Variants in EYS observed in about 807,000 individuals in gnomAD.
The protein encoded by EYS is EGF-like photoreceptor maintenance factor.
A neutral mutation model predicts 282.1 loss-of-function variants in EYS; 250 were observed. That is an observed-to-expected ratio of 0.89 (90% CI 0.80 to 0.98). The LOEUF (loss-of-function observed/expected upper bound fraction) is 0.98. Ranked by LOEUF, EYS falls within the 50% of genes least tolerant of loss-of-function variation. The pLI, the probability that EYS is intolerant of heterozygous loss-of-function variation, is 0.00. For synonymous variants in EYS, 1,355 were observed against 1,282.9 expected (o/e 1.06, Z -1.20); for missense variants, 4,016 against 3,709.0 (o/e 1.08, Z -2.15).
chr6:65,090,544 T>A (rs943715047), intron 12 of EYS, among the ~76,000 whole-genome samples: 3 of 152,152 alleles, frequency 2.0e-5, no homozygotes, highest in African/African-American at 7.2e-5. Flanking sequence ...CTTTATATTC[T>A]CTACATTGCA....
intron 19 of EYS, among the ~76,000 whole-genome samples, chr6:64,849,864 T>TA (rs1554210375): frequency 1.4e-3 from 206 of 148,888 alleles, no homozygotes; most frequent in Middle Eastern, 3.4e-3. Context: ...AATTTTCTAC[T>TA]AAAAAAAGAA....
At chr6:65,400,694 T>C (rs1455139179) in intron 7 of EYS, among the ~76,000 whole-genome samples, 3 of 151,972 alleles carry the variant, frequency 2.0e-5, no homozygotes, top group South Asian at 4.1e-4. Context: ...GGTAATTTTG[T>C]TTCAGTTTCT....
At chr6:64,207,146 G>A (rs1056526222) in intron 31 of EYS, among the ~76,000 whole-genome samples, 1 of 151,994 alleles carries the variant, frequency 6.6e-6, no homozygotes, top group Non-Finnish European at 1.5e-5. Flanking sequence ...GGACGATGGG[G>A]CCTTTAAGAG....
intron 18 of EYS, among the ~76,000 whole-genome samples, chr6:64,895,745 A>C (rs900972068): frequency 6.6e-6 from 1 of 152,208 alleles, no homozygotes; most frequent in Non-Finnish European, 1.5e-5. Flanking sequence ...ATATAAAAAA[A>C]TAAGAATCTG....
chr6:64,780,502 A>T (rs1212154967), intron 22 of EYS, among the ~76,000 whole-genome samples: 2 of 152,082 alleles, frequency 1.3e-5, no homozygotes, highest in African/African-American at 4.8e-5. Flanking sequence ...AATAACAGAC[A>T]CTGGGGACTC....
At chr6:64,168,417 A>G (rs1299672859) in intron 31 of EYS, among the ~76,000 whole-genome samples, 6 of 152,228 alleles carry the variant, frequency 3.9e-5, no homozygotes, top group African/African-American at 1.4e-4. Context: ...ACGTAAGTTT[A>G]CAATACAAAC....
intron 31 of EYS, among the ~76,000 whole-genome samples, chr6:64,212,345 T>G (rs909515101): frequency 6.6e-6 from 1 of 151,224 alleles, no homozygotes; most frequent in Admixed American, 6.6e-5. Flanking sequence ...TACAAATAAA[T>G]TAATACAAAG....
chr6:64,147,894 G>A (rs1043710140), intron 31 of EYS, among the ~76,000 whole-genome samples: 1 of 152,164 alleles, frequency 6.6e-6, no homozygotes, highest in Non-Finnish European at 1.5e-5. Flanking sequence ...GACTTTGCAT[G>A]TATGAAAAAT....
intron 22 of EYS, among the ~76,000 whole-genome samples, chr6:64,718,380 C>T (rs1232260762): frequency 6.6e-6 from 1 of 152,212 alleles, no homozygotes; most frequent in African/African-American, 2.4e-5. Flanking sequence ...TACTTGCAGG[C>T]TGAAACCTTC....
intron 32 of EYS, among the ~76,000 whole-genome samples, chr6:64,077,911 T>A (rs1232952716): frequency 6.6e-6 from 1 of 152,064 alleles, no homozygotes; most frequent in Non-Finnish European, 1.5e-5. Context: ...AGCTTTCTTT[T>A]CATCTTGACT....
rs576582003 is a variant in EYS at position 64,569,569 on chromosome 6, G to A, written c.5644+20654C>T. Reference sequence around the variant, plus strand: ...ATCCTGGCTAACACGGTGAAACCCCGTCTCCACTAAAAATACAAGAAATTA... The same window carrying A: ...ATCCTGGCTAACACGGTGAAACCCCATCTCCACTAAAAATACAAGAAATTA... On this transcript the variant is annotated intron_variant, in intron 26 of 42. Coordinates refer to ENST00000503581, the MANE Select transcript of EYS (RefSeq NM_001142800.2). 3.3e-5 allele frequency among the ~76,000 whole-genome samples: 5 copies of A among 152,006 alleles called. No homozygotes were observed. The East Asian group carries it at 5.9e-4, about 18-fold the overall frequency.
chr6:65,180,421 CAG>C (rs899277215), intron 12 of EYS, among the ~76,000 whole-genome samples: 3 of 151,918 alleles, frequency 2.0e-5, no homozygotes, highest in Non-Finnish European at 2.9e-5. Context: ...AACAGACAAA[CAG>C]AGAGCCAAAT....
chr6:64,459,705 G>A (rs1562007502), intron 26 of EYS, among the ~76,000 whole-genome samples: 1 of 152,190 alleles, frequency 6.6e-6, no homozygotes, highest in Non-Finnish European at 1.5e-5. Flanking sequence ...AATGCTGGAA[G>A]ACTGAGCAGT....
At chr6:64,162,366 A>T (rs754225725) in intron 31 of EYS, among the ~76,000 whole-genome samples, 58 of 152,182 alleles carry the variant, frequency 3.8e-4, no homozygotes, top group Non-Finnish European at 7.1e-4. Flanking sequence ...CCATGTATCC[A>T]GCTCAGCCAG....
Position 65,447,387 on chromosome 6 carries a change from AT to A in EYS, c.863-42021del, listed in dbSNP as rs1295272135. On this transcript the variant is annotated intron_variant, in intron 5 of 42. Transcript: ENST00000503581. ...TTATATATATAAATATATGTATATA[AT>A]TATATATATAATTAGAATTATAAAT... Among the ~76,000 whole-genome samples the A allele has an allele frequency of 1.6e-3, 241 of 146,340 alleles. No individual in the cohort carries two copies. The Middle Eastern group carries it at 0.022, about 13-fold the overall frequency.
At chr6:64,295,709 A>G (rs2150368805) in intron 30 of EYS, among the ~76,000 whole-genome samples, 1 of 120,208 alleles carries the variant, frequency 8.3e-6, no homozygotes, top group South Asian at 3.3e-4. Context: ...AGCCTGGCTG[A>G]CTGAGCCAGA....
rs573728319 is a variant in EYS at position 63,890,797 on chromosome 6, G to T, written c.7056-26439C>A. ...ATGAAAAACCCTTCAAAACATCAAT[G>T]AATCCAGGAGCTGGTTTTTTGAAAA... On this transcript the variant is annotated intron_variant, in intron 35 of 42. Coordinates refer to ENST00000503581, the MANE Select transcript of EYS (RefSeq NM_001142800.2). Among the ~76,000 whole-genome samples the T allele has an allele frequency of 2.6e-5, 4 of 152,254 alleles. No individual in the cohort carries two copies. The South Asian group carries it at 8.3e-4, about 32-fold the overall frequency.
intron 2 of EYS, among the ~76,000 whole-genome samples, chr6:65,638,672 C>T (rs562133229): frequency 1.3e-5 from 2 of 152,354 alleles, no homozygotes; most frequent in East Asian, 1.9e-4. Flanking sequence ...CTGCCCACCG[C>T]GCTGCAGCAG....
At chr6:63,778,292 T>A (rs1770118767) in intron 39 of EYS, 112 bp from the exon 40 acceptor site, 1 of 1,125,632 alleles carries the variant, frequency 8.9e-7, no homozygotes, top group Non-Finnish European at 1.3e-6. Flanking sequence ...AAGTAATACA[T>A]GTAAATTTTA....
Sources: allele counts gnomAD v4.1 joint callset (sites outside exome capture counted in the v4.1 genomes callset), GRCh38; gene constraint gnomAD v4.1.1; transcripts MANE v1.5; gene names NCBI Gene and HGNC (gene_info 2026-07-23, HGNC 2026-07-21).